Variants in UTP25 observed in about 807,000 individuals in gnomAD.
UTP25 encodes U3 small nucleolar RNA-associated protein 25 homolog.
UTP25 carries 50 observed loss-of-function variants against 78.9 expected under a neutral mutation model. That is an observed-to-expected ratio of 0.63 (90% CI 0.50 to 0.80). UTP25 has a LOEUF of 0.80. Among genes scored for constraint, UTP25 ranks in the 30% least tolerant of loss-of-function variants. The pLI, the probability that UTP25 is intolerant of heterozygous loss-of-function variation, is 0.00. For missense variants in UTP25, 846 were observed against 911.3 expected, an observed-to-expected ratio of 0.93 and a Z score of 0.92; for synonymous variants, 329 against 336.5, an observed-to-expected ratio of 0.98 and a Z score of 0.24.
Position 209,833,368 on chromosome 1 carries a change from C to G in UTP25, c.562+10C>G. 1 of 1,527,114 alleles carries G rather than the reference C, an allele frequency of 6.5e-7. No homozygotes were observed. The allele number at this position is 1,527,114 out of a possible 1,614,324, so 94.6% of individuals were successfully genotyped here. On this transcript the variant is annotated intron_variant, in intron 4 of 11. Transcript: ENST00000491415. The stretch of plus-strand genomic sequence containing the variant: ...TTGAAAGCCTCTCAAGGTCATAGCA[C>G]AGTGTGTGTTATTTGAATTCACCAG...
At position 209,852,477 on chromosome 1, in the gene UTP25, T is replaced by C. The variant is rs547771977; in HGVS notation, c.*1030T>C. The stretch of plus-strand genomic sequence containing the variant: ...AAGAGATATTCAACTCATCCTAGTA[T>C]GGACTCGTAGTTTCTTCTTTTATTC... On this transcript the variant is annotated 3_prime_UTR_variant, in exon 12 of 12. Transcript: ENST00000491415. 1.3e-5 allele frequency: 2 copies of C among 152,354 alleles called. No homozygotes were observed. The highest frequency in any genetic ancestry group is 1.3e-4 in the Admixed American group (2 of 15,300). The allele number at this position is 152,354 out of a possible 1,614,324, so 9.4% of individuals were successfully genotyped here.
At chr1:209,830,024 C>A in intron 1 of UTP25, 84 bp from the exon 2 acceptor site, 2 of 1,227,588 alleles carry the variant, frequency 1.6e-6, no homozygotes, top group Non-Finnish European at 1.2e-6. Flanking sequence ...TATATTCTGC[C>A]TTTTTCATTT....
chr1:209,843,771 A>C, intron 11 of UTP25, 75 bp downstream of exon 11: 2 of 1,534,730 alleles, frequency 1.3e-6, no homozygotes, highest in Non-Finnish European at 1.8e-6. Flanking sequence ...CTCTGAATGC[A>C]TGGCAGGCTT....
Position 209,851,203 on chromosome 1 carries a change from G to A in UTP25, c.2028-1G>A, listed in dbSNP as rs775930068. On this transcript the variant is annotated splice_acceptor_variant, in intron 11 of 11. Transcript: ENST00000491415. LOFTEE classifies it high-confidence loss of function. ...TAGCTCTTTCTTTCCAATTCTGACA[G>A]GTATACAATAAAAGGCATCAGGAAC... 3.7e-6 allele frequency: 6 copies of A among 1,609,692 alleles called. No homozygotes were observed. The highest frequency in any genetic ancestry group is 4.2e-6 in the Non-Finnish European group (5 of 1,178,594).
chr1:209,837,205 G>T lies in UTP25; in HGVS notation c.1056G>T (p.Arg352Ser), dbSNP rs147556210. The T allele has an allele frequency of 5.0e-6, 8 of 1,612,630 alleles. No individual in the cohort carries two copies. In the African/African-American group the frequency reaches 9.3e-5, roughly 19 times the overall value. The change falls in exon 6 of 12, where the codon AGG (arginine) becomes AGT (serine). Residue 352 changes from arginine to serine, a missense_variant. Transcript: ENST00000491415. The part of the protein sequence containing the change: ...DDDFRDQGLT[R>S]PKVLIVVPFR... ...ACTTCAGAGACCAAGGGTTAACAAG[G>T]CCCAAGGTGAGTCCAGCAGGAAAGC... is the stretch of plus-strand genomic sequence containing the variant.
chr1:209,851,311 A>G lies in UTP25; in HGVS notation c.2135A>G (p.Glu712Gly), dbSNP rs2078236734. 1.2e-6 allele frequency: 2 copies of G among 1,614,110 alleles called. No individual in the cohort carries two copies. Among genetic ancestry groups the G allele is most frequent in the African/African-American group, 2.7e-5 (2 of 74,932 alleles). The change falls in exon 12 of 12, where the codon GAG becomes GGG. Residue 712 changes from glutamate (E) to glycine (G), a missense_variant. Transcript: ENST00000491415. ...NMLRATNRGE[E>G]ATWTCTVLYS... The stretch of plus-strand genomic sequence containing the variant: ...CTGAGAGCCACCAACAGAGGAGAAG[A>G]GGCCACGTGGACCTGCACTGTTCTC...
At chr1:209,830,026 T>G in intron 1 of UTP25, 82 bp from the exon 2 acceptor site, 1 of 1,272,020 alleles carries the variant, frequency 7.9e-7, no homozygotes, top group Non-Finnish European at 1.1e-6. Context: ...TATTCTGCCT[T>G]TTTCATTTAA....
At chr1:209,837,235 C>T (rs2078138915) in intron 6 of UTP25, 24 bp downstream of exon 6, 1 of 1,601,820 alleles carries the variant, frequency 6.2e-7, no homozygotes. Context: ...GAAAGCTTTG[C>T]TCTCGAGGAG....
intron 3 of UTP25, among the ~76,000 whole-genome samples, chr1:209,832,494 G>C (rs1410131103): frequency 6.6e-6 from 1 of 152,060 alleles, no homozygotes; most frequent in African/African-American, 2.4e-5. Flanking sequence ...GTACATCTTA[G>C]TGTACTATGT....
At position 209,855,558 on chromosome 1, in the gene UTP25, AATC is replaced by A. The variant is rs2078269527; in HGVS notation, c.*4112_*4114del. 1 of 152,278 alleles carries A rather than the reference AATC, an allele frequency of 6.6e-6. No homozygotes were observed. Among genetic ancestry groups the A allele is most frequent in the Non-Finnish European group, 1.5e-5 (1 of 68,096 alleles). The allele number at this position is 152,278 out of a possible 1,614,324, so 9.4% of individuals were successfully genotyped here. On this transcript the variant is annotated 3_prime_UTR_variant, in exon 12 of 12. Transcript: ENST00000491415. ...CTGTTTGCTTTGCACAGAGAAATCT[AATC>A]TTTCTCCTGCTGGGCAGCTCAGTAC...
At position 209,833,187 on chromosome 1, in the gene UTP25, G is replaced by T. The variant is rs772802932; in HGVS notation, c.391G>T (p.Val131Leu). 6.2e-7 allele frequency: 1 copy of T among 1,611,722 alleles called. No homozygotes were observed. The highest frequency in any genetic ancestry group is 8.5e-7 in the Non-Finnish European group (1 of 1,179,286). ...TAAAATGTTTCTCAAAACTGCAGAT[G>T]TAGCTTTATCTGCTGACCCTGAGGG... The part of the protein sequence containing the change: ...AAESTESPEN[V>L]ALSADPEGKE... The change falls in exon 4 of 12, where the codon GTA becomes TTA. Residue 131 changes from valine (V) to leucine (L), a missense_variant and splice_region_variant. Val to Leu is a conservative substitution (Grantham distance 32). Transcript: ENST00000491415.
chr1:209,852,040 G>A lies in UTP25; in HGVS notation c.*593G>A, dbSNP rs2078244033. 6.6e-6 allele frequency: 1 copy of A among 151,930 alleles called. No homozygotes were observed. The highest frequency in any genetic ancestry group is 1.5e-5 in the Non-Finnish European group (1 of 68,012). The allele number at this position is 151,930 out of a possible 1,614,324, so 9.4% of individuals were successfully genotyped here. A position where few individuals can be genotyped will look rare whatever the true frequency, so the allele number is the denominator to read the frequency against. On this transcript the variant is annotated 3_prime_UTR_variant, in exon 12 of 12. Coordinates refer to ENST00000491415, the MANE Select transcript of UTP25 (RefSeq NM_014388.7). Reference sequence around the variant, plus strand: ...TCATAATACTAAATGTTTTAGTTTTGTTCAAATATATGCTTAAAATCACGT... The same window carrying A: ...TCATAATACTAAATGTTTTAGTTTTATTCAAATATATGCTTAAAATCACGT...
chr1:209,828,219 G>A (rs766832707), intron 1 of UTP25, 49 bp downstream of exon 1: 6 of 1,447,178 alleles, frequency 4.1e-6, no homozygotes, highest in Non-Finnish European at 5.8e-6. Flanking sequence ...ATGTATCCTC[G>A]AGTTTGGTCC....
At chr1:209,831,843 T>A (rs1221580296) in intron 3 of UTP25, among the ~76,000 whole-genome samples, 1 of 152,180 alleles carries the variant, frequency 6.6e-6, no homozygotes, top group African/African-American at 2.4e-5. Flanking sequence ...GTCTAGCTAT[T>A]TTTGCTTCTC....
chr1:209,835,309 A>G lies in UTP25; in HGVS notation c.651+146A>G, dbSNP rs1572001570. ...GAAGCAGGGCATAAGGAAGGCTAGA[A>G]GAGCCTAGTGGGGCACAGTTGTAGC... On this transcript the variant is annotated intron_variant, in intron 5 of 11. Coordinates refer to ENST00000491415, the MANE Select transcript of UTP25 (RefSeq NM_014388.7). The G allele has an allele frequency of 4.6e-6, 3 of 658,650 alleles. 1 individual carries two copies. The highest frequency in any genetic ancestry group is 3.7e-5 in the South Asian group (2 of 54,172). 40.8% of individuals were successfully genotyped at this position (658,650 alleles called of 1,614,324 possible).
chr1:209,850,132 A>G (rs913444885), intron 11 of UTP25, among the ~76,000 whole-genome samples: 2 of 152,238 alleles, frequency 1.3e-5, no homozygotes, highest in East Asian at 1.9e-4. Flanking sequence ...ACATTTTTGT[A>G]TAATAGATTA....
chr1:209,856,591 T>C lies in UTP25; in HGVS notation c.*5144T>C, dbSNP rs2078277893. On this transcript the variant is annotated 3_prime_UTR_variant, in exon 12 of 12. Coordinates refer to ENST00000491415, the MANE Select transcript of UTP25 (RefSeq NM_014388.7). ...GGTATTCCTGTGCACTACTGTTACG[T>C]GAACACACAAACACCTAATTTGTTT... The C allele has an allele frequency of 1.3e-5, 2 of 152,252 alleles. No individual in the cohort carries two copies. Among genetic ancestry groups the C allele is most frequent in the South Asian group, 4.1e-4 (2 of 4,834 alleles). 9.4% of individuals were successfully genotyped at this position (152,252 alleles called of 1,614,324 possible).
intron 11 of UTP25, among the ~76,000 whole-genome samples, chr1:209,848,137 TGG>T (rs1348834757): frequency 2.0e-5 from 3 of 152,170 alleles, no homozygotes; most frequent in Non-Finnish European, 2.9e-5. Context: ...GTGTCTGGGA[TGG>T]GGACCAAACC....
rs2078238650 is a variant in UTP25 at position 209,851,559 on chromosome 1, A to G, written c.*112A>G. On this transcript the variant is annotated 3_prime_UTR_variant, in exon 12 of 12. Coordinates refer to ENST00000491415, the MANE Select transcript of UTP25 (RefSeq NM_014388.7). ...AGAAGGACTGATACAAAGAAAGTGC[A>G]TGAGGCAATGTCAGTATTATCTGAC... is the stretch of plus-strand genomic sequence containing the variant. The G allele has an allele frequency of 3.7e-6, 5 of 1,349,650 alleles. No homozygotes were observed. The South Asian group carries it at 7.6e-5, about 20-fold the overall frequency. The allele number at this position is 1,349,650 out of a possible 1,614,324, so 83.6% of individuals were successfully genotyped here. A position where few individuals can be genotyped will look rare whatever the true frequency, so the allele number is the denominator to read the frequency against.
Sources: gnomAD v4.1 joint callset for allele counts (sites outside exome capture counted in the v4.1 genomes callset) on GRCh38, gnomAD v4.1.1 for gene constraint, MANE v1.5 for transcripts, NCBI Gene and HGNC (gene_info 2026-07-23, HGNC 2026-07-21) for gene names.